RELCH: variants seen among roughly 807,000 people sequenced by gnomAD.
RELCH encodes RAB11 binding and LisH domain, coiled-coil and HEAT repeat containing, also known as RAB11-binding protein RELCH.
RELCH carries 41 observed loss-of-function variants against 150.3 expected under a neutral mutation model. The observed-to-expected ratio is 0.27, with a 90% confidence interval of 0.21 to 0.35. The LOEUF (loss-of-function observed/expected upper bound fraction) is 0.35. Among genes scored for constraint, RELCH ranks in the 10% least tolerant of loss-of-function variants. The pLI, the probability that RELCH is intolerant of heterozygous loss-of-function variation, is 1.00. For missense variants in RELCH, 1,092 were observed against 1,467.8 expected (o/e 0.74, Z 4.18); for synonymous variants, 478 against 531.8 (o/e 0.90, Z 1.39).
At chr18:62,277,041 T>G (rs1288511672) in intron 22 of RELCH, among the ~76,000 whole-genome samples, 1 of 152,146 alleles carries the variant, frequency 6.6e-6, no homozygotes, top group African/African-American at 2.4e-5. Context: ...TATTCTAAGC[T>G]CATAAAAGCT....
At chr18:62,226,269 TAAAGATC>T (rs745327902) in intron 5 of RELCH, among the ~76,000 whole-genome samples, 5 of 152,128 alleles carry the variant, frequency 3.3e-5, no homozygotes, top group Non-Finnish European at 7.4e-5. Context: ...GAAGCTCTTC[TAAAGATC>T]TTTCTCTACA....
At chr18:62,232,304 A>G (rs1197354533) in intron 9 of RELCH, 28 bp from the exon 10 acceptor site, 4 of 1,438,502 alleles carry the variant, frequency 2.8e-6, no homozygotes, top group Non-Finnish European at 3.9e-6. Context: ...CTCCACTATC[A>G]TTGTTTATTA....
intron 11 of RELCH, among the ~76,000 whole-genome samples, chr18:62,249,153 C>A (rs1247732505): frequency 6.6e-6 from 1 of 152,092 alleles, no homozygotes; most frequent in East Asian, 1.9e-4. Flanking sequence ...TCAGTACTTG[C>A]TTTTCTGACT....
intron 26 of RELCH, 53 bp from the exon 27 acceptor site, chr18:62,291,490 G>A (rs1006224131): frequency 9.6e-7 from 1 of 1,041,622 alleles, no homozygotes; most frequent in Non-Finnish European, 1.5e-6. Flanking sequence ...CGGTTGTTCT[G>A]TTGGACATAC....
intron 1 of RELCH, among the ~76,000 whole-genome samples, chr18:62,192,215 G>T (rs763992149): frequency 6.6e-5 from 10 of 152,062 alleles, no homozygotes; most frequent in Non-Finnish European, 1.0e-4. Flanking sequence ...GTCCATTCGT[G>T]TCCTTTGCCC....
intron 1 of RELCH, among the ~76,000 whole-genome samples, chr18:62,200,954 T>A (rs2039391089): frequency 6.7e-6 from 1 of 149,080 alleles, no homozygotes. Flanking sequence ...GAATAACTGT[T>A]TTTTCTTTGC....
rs1264849521 is a variant in RELCH at position 62,310,140 on chromosome 18, T to C, written c.*4606T>C. On this transcript the variant is annotated 3_prime_UTR_variant, in exon 29 of 29. Transcript: ENST00000644646. The stretch of plus-strand genomic sequence containing the variant: ...GATTTCATAGATGCTTTATCTTCAT[T>C]TCTGATCATTACTTGACAGTTCTTT... 6.6e-6 allele frequency: 1 copy of C among 152,224 alleles called. No homozygotes were observed. The highest frequency in any genetic ancestry group is 1.5e-5 in the Non-Finnish European group (1 of 68,030). The allele number at this position is 152,224 out of a possible 1,614,324, so 9.4% of individuals were successfully genotyped here.
Position 62,258,058 on chromosome 18 carries a change from A to T in RELCH, c.2007A>T (p.Gly669=). Residue 669 remains glycine (G), a synonymous_variant, in exon 14 of 29, where the codon GGA becomes GGT. Coordinates refer to ENST00000644646, the MANE Select transcript of RELCH (RefSeq NM_001346231.2). ...AVIKSLGIIM[G]YIDDPDKYHQ... is the part of the protein sequence containing the mutation. Reference sequence around the variant, plus strand: ...TCAAAAGCCTTGGTATCATTATGGGATACATTGATGATCCAGACAAATATC... The same window carrying T: ...TCAAAAGCCTTGGTATCATTATGGGTTACATTGATGATCCAGACAAATATC... 1 of 1,605,434 alleles carries T rather than the reference A, an allele frequency of 6.2e-7. No individual in the cohort carries two copies. The highest frequency in any genetic ancestry group is 8.5e-7 in the Non-Finnish European group (1 of 1,176,168).
At chr18:62,239,999 T>C (rs2042063201) in intron 10 of RELCH, among the ~76,000 whole-genome samples, 1 of 151,992 alleles carries the variant, frequency 6.6e-6, no homozygotes, top group Non-Finnish European at 1.5e-5. Flanking sequence ...TATAATGTAA[T>C]GTGACAATTA....
intron 5 of RELCH, 63 bp from the exon 6 acceptor site, chr18:62,227,226 A>T: frequency 1.8e-6 from 2 of 1,136,832 alleles, no homozygotes; most frequent in South Asian, 2.9e-5. Context: ...CAATAATATG[A>T]ATTTCAAAAA....
chr18:62,290,622 G>A (rs1318891114), intron 26 of RELCH, among the ~76,000 whole-genome samples: 1 of 152,180 alleles, frequency 6.6e-6, no homozygotes, highest in Non-Finnish European at 1.5e-5. Context: ...TAGAATAAAG[G>A]GAGAATGTAT....
At chr18:62,265,924 G>C (rs9966702) in intron 18 of RELCH, among the ~76,000 whole-genome samples, 62,863 of 151,656 alleles carry the variant, frequency 0.41, 13,184 homozygotes, top group Middle Eastern at 0.57. Flanking sequence ...GTAGGAAAAA[G>C]AAAATTAAAA....
intron 28 of RELCH, chr18:62,300,730 C>T (rs2045627402): frequency 6.6e-6 from 1 of 152,080 alleles, no homozygotes; most frequent in South Asian, 2.1e-4. Flanking sequence ...AGAGTACATC[C>T]CAAGTGGTAA....
intron 1 of RELCH, among the ~76,000 whole-genome samples, chr18:62,202,303 G>T (rs1177396208): frequency 6.6e-6 from 1 of 152,078 alleles, no homozygotes; most frequent in African/African-American, 2.4e-5. Flanking sequence ...AAGAATTGTG[G>T]CTTAATCTAA....
Position 62,228,617 on chromosome 18 carries a change from T to G in RELCH, c.1448+19T>G. 1 of 1,554,558 alleles carries G rather than the reference T, an allele frequency of 6.4e-7. No homozygotes were observed. The highest frequency in any genetic ancestry group is 8.7e-7 in the Non-Finnish European group (1 of 1,144,804). On this transcript the variant is annotated intron_variant, in intron 8 of 28. Transcript: ENST00000644646. ...CTAATAGGTTAGTATGCATCCTATA[T>G]TTTGAAATGCATCTTTCAGCTATTT...
intron 27 of RELCH, among the ~76,000 whole-genome samples, chr18:62,293,885 T>G (rs544220349): frequency 3.3e-5 from 5 of 152,276 alleles, no homozygotes; most frequent in Non-Finnish European, 5.9e-5. Flanking sequence ...TTTGTTTTTC[T>G]TATTGTTTTA....
intron 5 of RELCH, among the ~76,000 whole-genome samples, chr18:62,223,382 C>T (rs2148386359): frequency 6.6e-6 from 1 of 152,132 alleles, no homozygotes; most frequent in South Asian, 2.1e-4. Context: ...TGCCAAAGCA[C>T]ACTCAAGAAG....
chr18:62,203,414 G>A lies in RELCH; in HGVS notation c.527-7739G>A, dbSNP rs185078520. Among the ~76,000 whole-genome samples, 769 of 152,090 alleles carry A rather than the reference G, an allele frequency of 5.1e-3. 3 individuals are homozygous for A. Among genetic ancestry groups the A allele is most frequent in the Non-Finnish European group, 8.5e-3 (579 of 67,956 alleles). On this transcript the variant is annotated intron_variant, in intron 1 of 28. Coordinates refer to ENST00000644646, the MANE Select transcript of RELCH (RefSeq NM_001346231.2). ...GGAGGTTGCAGTGAGCCGAGATTGC[G>A]CCACTGCACTCCACCCTGGTGACAG... is the stretch of plus-strand genomic sequence containing the variant.
chr18:62,246,004 C>G (rs961532024), intron 11 of RELCH: 1 of 152,112 alleles, frequency 6.6e-6, no homozygotes, highest in Non-Finnish European at 1.5e-5. Flanking sequence ...TACCTGGTGA[C>G]CCCCTCAGGC....
Sources: allele counts gnomAD v4.1 joint callset (sites outside exome capture counted in the v4.1 genomes callset), GRCh38; gene constraint gnomAD v4.1.1; transcripts MANE v1.5; gene names NCBI Gene and HGNC (gene_info 2026-07-23, HGNC 2026-07-21).